Variants in UBAP1 observed in about 807,000 individuals in gnomAD.
UBAP1 encodes the protein ubiquitin-associated protein 1.
In UBAP1, 5 loss-of-function variants were observed where a neutral mutation model predicts 39.0. The ratio of observed to expected loss-of-function variants is 0.13; its 90% CI spans 0.07 to 0.27. UBAP1 has a LOEUF of 0.27. UBAP1 is among the 10% of genes least tolerant of loss of function. UBAP1 has a pLI of 1.00. For missense variants in UBAP1, 490 were observed against 608.1 expected (o/e 0.81, Z 2.04); for synonymous variants, 211 against 225.1 (o/e 0.94, Z 0.56).
chr9:34,239,420 C>T (rs764581764), intron 3 of UBAP1, among the ~76,000 whole-genome samples: 12 of 152,184 alleles, frequency 7.9e-5, no homozygotes, highest in Non-Finnish European at 1.8e-4. Flanking sequence ...ACAGTCAGAC[C>T]TAGAGCTCTA....
At chr9:34,202,624 C>CGTGTGTGTGTGTGTGTGTGTGT (rs56012034) in intron 1 of UBAP1, among the ~76,000 whole-genome samples, 36 of 107,364 alleles carry the variant, frequency 3.4e-4, no homozygotes, top group African/African-American at 1.1e-3. Context: ...TAGACAGAAA[C>CGTGTGTGTGTGTGTGTGTGTGT]GTGTGTGTGT....
intron 3 of UBAP1, among the ~76,000 whole-genome samples, chr9:34,235,826 C>CTTT (rs1209543348): frequency 7.2e-6 from 1 of 138,250 alleles, no homozygotes; most frequent in Non-Finnish European, 1.6e-5. Context: ...CATTTTTAAT[C>CTTT]TTTTTTTTTT....
intron 2 of UBAP1, among the ~76,000 whole-genome samples, chr9:34,222,221 C>G (rs1452548443): frequency 6.6e-6 from 1 of 152,098 alleles, no homozygotes; most frequent in Non-Finnish European, 1.5e-5. Flanking sequence ...CCAGTGGTTG[C>G]TTGATAAGAT....
Position 34,205,970 on chromosome 9 carries a change from G to A in UBAP1, c.-7-14938G>A, listed in dbSNP as rs1391891689. ...TCGTGCCACTGCACTCCAGCCTGGT[G>A]ACAGAGCGAGACTCCGTCTCAAAAA... On this transcript the variant is annotated intron_variant, in intron 1 of 6. Coordinates refer to ENST00000297661, the MANE Select transcript of UBAP1 (RefSeq NM_016525.5). 2.6e-5 allele frequency among the ~76,000 whole-genome samples: 4 copies of A among 152,306 alleles called. No individual in the cohort carries two copies. In the East Asian group the frequency reaches 7.7e-4, roughly 29 times the overall value.
In UBAP1 at chr9:34,195,927, G is replaced by GTTTTTTTTTTTTTTTTTTTTTTTTTTTTT. The variant is rs57040252; in HGVS notation, c.-8+16696_-8+16724dup. Among the ~76,000 whole-genome samples, 5 of 36,156 alleles carry GTTTTTTTTTTTTTTTTTTTTTTTTTTTTT rather than the reference G, an allele frequency of 1.4e-4. 2 individuals are homozygous for GTTTTTTTTTTTTTTTTTTTTTTTTTTTTT. Among genetic ancestry groups the GTTTTTTTTTTTTTTTTTTTTTTTTTTTTT allele is most frequent in the East Asian group, 2.0e-3 (2 of 984 alleles). 23.7% of individuals were successfully genotyped at this position (36,156 alleles called of 152,430 possible). The stretch of plus-strand genomic sequence containing the variant: ...TTTGGATTTCTATACAAATTTTTTG[G>GTTTTTTTTTTTTTTTTTTTTTTTTTTTTT]TTTTTTTTTTTTTTTTTTTTTTTTT... On this transcript the variant is annotated intron_variant, in intron 1 of 6. Transcript: ENST00000297661.
At chr9:34,213,836 G>C (rs1012551348) in intron 1 of UBAP1, among the ~76,000 whole-genome samples, 1 of 151,700 alleles carries the variant, frequency 6.6e-6, no homozygotes, top group Non-Finnish European at 1.5e-5. Flanking sequence ...CTGGATACAA[G>C]ATTAATGTAC....
intron 3 of UBAP1, among the ~76,000 whole-genome samples, chr9:34,236,656 T>G (rs1833714491): frequency 6.6e-6 from 1 of 152,088 alleles, no homozygotes; most frequent in South Asian, 2.1e-4. Flanking sequence ...CAAGTTAGAT[T>G]TGCTGTGTCT....
At chr9:34,217,317 G>A (rs1164429394) in intron 1 of UBAP1, among the ~76,000 whole-genome samples, 2 of 151,646 alleles carry the variant, frequency 1.3e-5, no homozygotes, top group Non-Finnish European at 1.5e-5. Context: ...GCTCACTGCA[G>A]CCTCTGCCTC....
chr9:34,248,415 G>A (rs1380828412), intron 4 of UBAP1, among the ~76,000 whole-genome samples: 4 of 152,218 alleles, frequency 2.6e-5, no homozygotes, highest in African/African-American at 2.4e-5. Context: ...GAGGCATTAT[G>A]AGAAGGGCAG....
intron 1 of UBAP1, among the ~76,000 whole-genome samples, chr9:34,179,826 C>G (rs980520802): frequency 2.6e-5 from 4 of 152,002 alleles, no homozygotes; most frequent in African/African-American, 9.7e-5. Context: ...AGGAACCGCC[C>G]CAGTCTTTCT....
chr9:34,235,520 T>C (rs986581804), intron 3 of UBAP1, among the ~76,000 whole-genome samples: 7 of 152,110 alleles, frequency 4.6e-5, no homozygotes, highest in African/African-American at 7.2e-5. Context: ...TTGTATTTTT[T>C]AGTAGAGACG....
intron 1 of UBAP1, among the ~76,000 whole-genome samples, chr9:34,202,635 G>GTGTA (rs1831452067): frequency 8.1e-6 from 1 of 123,948 alleles, no homozygotes; most frequent in African/African-American, 2.8e-5. Context: ...GTGTGTGTGT[G>GTGTA]TGTGTGTGTG....
intron 3 of UBAP1, among the ~76,000 whole-genome samples, chr9:34,235,582 G>A (rs1833656705): frequency 6.6e-6 from 1 of 152,060 alleles, no homozygotes; most frequent in Non-Finnish European, 1.5e-5. Flanking sequence ...CTCGTGATCT[G>A]CCTGCCTTGG....
intron 1 of UBAP1, among the ~76,000 whole-genome samples, chr9:34,203,197 A>G (rs933834475): frequency 7.9e-5 from 12 of 152,114 alleles, no homozygotes; most frequent in African/African-American, 2.7e-4. Flanking sequence ...ATAGTCCCAG[A>G]TACTTGGGAG....
intron 1 of UBAP1, among the ~76,000 whole-genome samples, chr9:34,195,402 C>T (rs751315479): frequency 6.6e-6 from 1 of 151,936 alleles, no homozygotes; most frequent in African/African-American, 2.4e-5. Flanking sequence ...TATTTTAGCA[C>T]TTTTTGTTGA....
intron 1 of UBAP1, among the ~76,000 whole-genome samples, chr9:34,195,598 C>CTT (rs769647041): frequency 2.3e-4 from 33 of 141,536 alleles, no homozygotes; most frequent in Admixed American, 5.0e-4. Flanking sequence ...TTGGATTTTT[C>CTT]TTTTTTTTTT....
intron 2 of UBAP1, chr9:34,224,517 T>C: frequency 5.0e-6 from 2 of 400,914 alleles, no homozygotes; most frequent in Admixed American, 4.0e-5. Flanking sequence ...CAGGGGCCAA[T>C]GTTGGTGTTG....
chr9:34,199,344 A>G (rs996021038), intron 1 of UBAP1, among the ~76,000 whole-genome samples: 3 of 152,176 alleles, frequency 2.0e-5, no homozygotes, highest in Non-Finnish European at 4.4e-5. Flanking sequence ...AAGTGCTGGG[A>G]TTACAGGCAT....
chr9:34,247,666 T>G (rs113124373), intron 4 of UBAP1, among the ~76,000 whole-genome samples: 2 of 152,132 alleles, frequency 1.3e-5, no homozygotes, highest in African/African-American at 4.8e-5. Flanking sequence ...TCAGGTGGTC[T>G]GCCTGCCTTG....
Sources: allele counts gnomAD v4.1 joint callset (sites outside exome capture counted in the v4.1 genomes callset), GRCh38; gene constraint gnomAD v4.1.1; transcripts MANE v1.5; gene names NCBI Gene and HGNC (gene_info 2026-07-23, HGNC 2026-07-21).